CSMD1: variants seen among roughly 807,000 people sequenced by gnomAD.
The protein encoded by CSMD1 is CUB and sushi domain-containing protein 1.
Under a neutral mutation model 417.5 loss-of-function variants are expected in CSMD1, and 213 were observed. That is an observed-to-expected ratio of 0.51 (90% CI 0.46 to 0.57). CSMD1 has a LOEUF of 0.57. Among genes scored for constraint, CSMD1 ranks in the 20% least tolerant of loss-of-function variants. The pLI is 0.00. For synonymous variants in CSMD1, 2,862 were observed against 1,736.8 expected (o/e 1.65, Z -16.11); for missense variants, 6,923 against 4,529.7 (o/e 1.53, Z -15.17).
rs371991826 is a variant in CSMD1, at chr8:3,162,293, C to G, written c.5726-16G>C. ...AGACCTACAGCTAGAAATGCAAAGA[C>G]AAATGCTAGAAATTATATGATGTAA... On this transcript the variant is annotated splice_polypyrimidine_tract_variant and intron_variant, in intron 37 of 69. Coordinates refer to ENST00000635120, the MANE Select transcript of CSMD1 (RefSeq NM_033225.6). 2 of 1,482,174 alleles carry G rather than the reference C, an allele frequency of 1.3e-6. No individual in the cohort carries two copies. Among genetic ancestry groups the G allele is most frequent in the South Asian group, 2.4e-5 (2 of 84,684 alleles). The allele number at this position is 1,482,174 out of a possible 1,614,324, so 91.8% of individuals were successfully genotyped here.
At chr8:3,990,839 T>C (rs759738770) in intron 5 of CSMD1, among the ~76,000 whole-genome samples, 9 of 152,078 alleles carry the variant, frequency 5.9e-5, no homozygotes, top group Admixed American at 2.6e-4. Context: ...TGGTAGTGAA[T>C]CAGAGAGTGC....
intron 38 of CSMD1, among the ~76,000 whole-genome samples, chr8:3,159,617 CA>C (rs1185607972): frequency 6.6e-6 from 1 of 151,846 alleles, no homozygotes; most frequent in East Asian, 1.9e-4. Flanking sequence ...GTTAGCAATT[CA>C]AAAAAAATCC....
chr8:3,307,088 T>G (rs1486458185), intron 25 of CSMD1, among the ~76,000 whole-genome samples: 2 of 152,192 alleles, frequency 1.3e-5, no homozygotes, highest in Non-Finnish European at 1.5e-5. Context: ...TTTTAAAATA[T>G]GACTTTGCTT....
In CSMD1 at chr8:3,230,170, G is replaced by A. The variant is rs1302143085; in HGVS notation, c.4215C>T (p.Asp1405=). 1.2e-6 allele frequency: 2 copies of A among 1,613,312 alleles called. No individual in the cohort carries two copies. Among genetic ancestry groups the A allele is most frequent in the Non-Finnish European group, 8.5e-7 (1 of 1,179,632 alleles). Residue 1405 remains aspartate (D), a synonymous_variant, in exon 27 of 70, where the codon GAC becomes GAT. Transcript: ENST00000635120. ...GMPQNGTRYG[D]SREAGDTVTF... ...TGACGGTGTCTCCAGCCTCTCTGCT[G>A]TCTCCATAGCGGGTGCCATTTTGGG...
At chr8:4,201,898 G>GA (rs917585144) in intron 3 of CSMD1, among the ~76,000 whole-genome samples, 1 of 146,034 alleles carries the variant, frequency 6.8e-6, no homozygotes, top group Non-Finnish European at 1.5e-5. Context: ...GGGGGGGGGG[G>GA]GCGCTGCATT....
rs370930973 is a variant in CSMD1 at position 4,696,662 on chromosome 8, T to C, written c.86-59104A>G. Among the ~76,000 whole-genome samples the C allele has an allele frequency of 2.6e-3, 403 of 152,350 alleles. 15 individuals carry two copies. The South Asian group carries it at 0.066, about 25-fold the overall frequency. Reference sequence around the variant, plus strand: ...TTTCATTTATCTGGTTTCTCTTTTATTGTTGTCTTTATCCACAGAGAAGGT... The same window carrying C: ...TTTCATTTATCTGGTTTCTCTTTTACTGTTGTCTTTATCCACAGAGAAGGT... On this transcript the variant is annotated intron_variant, in intron 1 of 69. Transcript: ENST00000635120.
chr8:4,371,072 G>C (rs1007608843), intron 3 of CSMD1, among the ~76,000 whole-genome samples: 1 of 152,196 alleles, frequency 6.6e-6, no homozygotes, highest in Non-Finnish European at 1.5e-5. Flanking sequence ...TCCCTTTGAA[G>C]TTACTGTTCT....
intron 18 of CSMD1, among the ~76,000 whole-genome samples, chr8:3,386,947 A>G (rs779975322): frequency 2.7e-4 from 41 of 152,150 alleles, no homozygotes; most frequent in Non-Finnish European, 3.7e-4. Context: ...CAGGAATGTT[A>G]TTTGTCTTGA....
intron 2 of CSMD1, among the ~76,000 whole-genome samples, chr8:4,537,467 A>G (rs1355831768): frequency 2.0e-5 from 3 of 152,206 alleles, no homozygotes; most frequent in Non-Finnish European, 4.4e-5. Flanking sequence ...ACTAATTGCT[A>G]TAAGGCTAAT....
rs572950562 is a variant in CSMD1, at chr8:3,224,501, C to G, written c.4346-634G>C. Among the ~76,000 whole-genome samples, 77 of 152,254 alleles carry G rather than the reference C, an allele frequency of 5.1e-4. 1 individual carries two copies. In the South Asian group the frequency reaches 0.015, roughly 30 times the overall value. On this transcript the variant is annotated intron_variant, in intron 27 of 69. Coordinates refer to ENST00000635120, the MANE Select transcript of CSMD1 (RefSeq NM_033225.6). ...TGTATGGAAGGCTTGAATTACTTTC[C>G]CCATATTTCAAAGTGGCAAAACAAA...
At chr8:4,520,890 T>C (rs1010672803) in intron 2 of CSMD1, among the ~76,000 whole-genome samples, 1 of 152,202 alleles carries the variant, frequency 6.6e-6, no homozygotes, top group Non-Finnish European at 1.5e-5. Context: ...GCTGATGACA[T>C]GTTGAAATAT....
chr8:4,035,895 C>G (rs538693646), intron 3 of CSMD1, among the ~76,000 whole-genome samples: 2 of 152,166 alleles, frequency 1.3e-5, no homozygotes, highest in African/African-American at 2.4e-5. Context: ...ACAGTCACCC[C>G]TCACTCACAC....
At chr8:4,458,125 TTTAAA>T (rs781642726) in intron 2 of CSMD1, among the ~76,000 whole-genome samples, 1 of 152,202 alleles carries the variant, frequency 6.6e-6, no homozygotes, top group Non-Finnish European at 1.5e-5. Flanking sequence ...ACTTTCTGTG[TTTAAA>T]TTACTTTATG....
chr8:4,135,669 T>C (rs1316795278), intron 3 of CSMD1, among the ~76,000 whole-genome samples: 2 of 152,118 alleles, frequency 1.3e-5, no homozygotes. Context: ...AACCAAAATA[T>C]TTGGATATTT....
At chr8:4,003,454 C>T (rs1442990212) in intron 4 of CSMD1, among the ~76,000 whole-genome samples, 1 of 151,284 alleles carries the variant, frequency 6.6e-6, no homozygotes. Flanking sequence ...AAGTAAATAA[C>T]AAGACACAAA....
chr8:3,134,127 G>A (rs886512179), intron 41 of CSMD1, among the ~76,000 whole-genome samples: 2 of 151,948 alleles, frequency 1.3e-5, no homozygotes, highest in Non-Finnish European at 2.9e-5. Context: ...AGCCGAGAGT[G>A]TATCACTGCA....
At chr8:3,196,507 C>T (rs541120048) in intron 33 of CSMD1, among the ~76,000 whole-genome samples, 1 of 152,260 alleles carries the variant, frequency 6.6e-6, no homozygotes, top group East Asian at 1.9e-4. Flanking sequence ...TCTGGATCCG[C>T]ACCCCTTTCT....
intron 10 of CSMD1, among the ~76,000 whole-genome samples, chr8:3,560,183 G>A (rs1356194698): frequency 6.6e-6 from 1 of 152,114 alleles, no homozygotes; most frequent in African/African-American, 2.4e-5. Flanking sequence ...AAGAGCCCTT[G>A]AAATAATGGA....
chr8:4,787,236 T>G, intron 1 of CSMD1: 1 of 508,566 alleles, frequency 2.0e-6, no homozygotes, highest in Non-Finnish European at 3.7e-6. Context: ...GGGCCGCGCC[T>G]CCTTCCCCGC....
Sources: allele counts gnomAD v4.1 joint callset (sites outside exome capture counted in the v4.1 genomes callset), GRCh38; gene constraint gnomAD v4.1.1; transcripts MANE v1.5; gene names NCBI Gene and HGNC (gene_info 2026-07-23, HGNC 2026-07-21).